The following TSGA10 variants were observed in gnomAD, a reference collection of about 807,000 sequenced individuals.
TSGA10 encodes testis specific 10, also known as testis-specific gene 10 protein.
Under a neutral mutation model 96.6 loss-of-function variants are expected in TSGA10, and 43 were observed. The observed-to-expected ratio is 0.44, with a 90% CI of 0.35 to 0.57. The LOEUF (loss-of-function observed/expected upper bound fraction) is 0.57. TSGA10 is among the 20% of genes least tolerant of loss of function. The pLI, the probability that TSGA10 is intolerant of heterozygous loss-of-function variation, is 0.01. For synonymous variants in TSGA10, 229 were observed against 269.9 expected (o/e 0.85, Z 1.48); for missense variants, 703 against 834.4 (o/e 0.84, Z 1.94).
rs1309893305 is a variant in TSGA10 at position 98,997,498 on chromosome 2, T to G, written c.*699A>C. ...ATCGCAATTAAGTTGATTGCAGTAC[T>G]TGAAAGAAAACTTATTAAAAATAAA... is the stretch of plus-strand genomic sequence containing the variant. On this transcript the variant is annotated 3_prime_UTR_variant, in exon 21 of 21. Coordinates refer to ENST00000393483, the MANE Select transcript of TSGA10 (RefSeq NM_025244.4). 2.0e-5 allele frequency: 3 copies of G among 152,106 alleles called. No individual in the cohort carries two copies. The highest frequency in any genetic ancestry group is 4.4e-5 in the Non-Finnish European group (3 of 67,974). 9.4% of individuals were successfully genotyped at this position (152,106 alleles called of 1,614,324 possible).
intron 15 of TSGA10, among the ~76,000 whole-genome samples, chr2:99,066,547 C>T (rs918330832): frequency 6.6e-6 from 1 of 152,080 alleles, no homozygotes; most frequent in African/African-American, 2.4e-5. Context: ...AAGCAGGAAC[C>T]ATTTTTATAT....
At chr2:99,007,301 T>G (rs2078583750) in intron 20 of TSGA10, among the ~76,000 whole-genome samples, 1 of 151,760 alleles carries the variant, frequency 6.6e-6, no homozygotes, top group African/African-American at 2.4e-5. Context: ...GAATAAATAA[T>G]AAAAAAGAGT....
chr2:99,097,893 T>C (rs891208649), intron 10 of TSGA10, among the ~76,000 whole-genome samples: 2 of 151,916 alleles, frequency 1.3e-5, no homozygotes, highest in African/African-American at 2.4e-5. Context: ...TGAAAGAAAA[T>C]TGGTATAGCT....
intron 16 of TSGA10, among the ~76,000 whole-genome samples, chr2:99,036,608 A>G (rs887093168): frequency 1.3e-5 from 2 of 152,174 alleles, no homozygotes; most frequent in Non-Finnish European, 2.9e-5. Flanking sequence ...TGAAGACTAA[A>G]CAAACAAATG....
intron 16 of TSGA10, among the ~76,000 whole-genome samples, chr2:99,050,883 TATC>T (rs199872586): frequency 0.011 from 1,633 of 152,256 alleles, 9 homozygotes; most frequent in Middle Eastern, 0.027. Flanking sequence ...AAGATTATAA[TATC>T]ATATTTTTAC....
chr2:99,084,938 C>T (rs1017989346), intron 10 of TSGA10, among the ~76,000 whole-genome samples: 2 of 151,458 alleles, frequency 1.3e-5, no homozygotes, highest in Non-Finnish European at 2.9e-5. Flanking sequence ...CAAAATCAAG[C>T]AGAAGCTGGT....
chr2:98,998,307 CTT>C (rs2077609241), intron 20 of TSGA10, 86 bp from the exon 21 acceptor site: 1 of 1,091,260 alleles, frequency 9.2e-7, no homozygotes, highest in Non-Finnish European at 1.3e-6. Context: ...AAGTGTATCA[CTT>C]CAGCAAAACG....
intron 17 of TSGA10, among the ~76,000 whole-genome samples, chr2:99,031,286 CAAAAAAAAAAAAAAAAAAA>C (rs70940132): frequency 4.3e-5 from 2 of 46,382 alleles, no homozygotes; most frequent in Admixed American, 3.7e-4. Context: ...ACTCATAGGC[CAAAAAAAAAAAAAAAAAAA>C]AAAAAAAGAA....
intron 20 of TSGA10, among the ~76,000 whole-genome samples, chr2:99,014,906 C>T (rs1474261342): frequency 6.6e-6 from 1 of 152,098 alleles, no homozygotes; most frequent in Non-Finnish European, 1.5e-5. Context: ...TGGATAAATT[C>T]CTGGAGATAT....
intron 1 of TSGA10, chr2:99,141,731 G>A (rs1307180446): frequency 6.5e-6 from 1 of 152,960 alleles, no homozygotes; most frequent in African/African-American, 2.4e-5. Flanking sequence ...CCTTCCCTCA[G>A]CTTGAAACAC....
intron 14 of TSGA10, 85 bp from the exon 15 acceptor site, chr2:99,069,083 C>G: frequency 1.7e-6 from 1 of 576,198 alleles, no homozygotes. Context: ...TTTTTAAACA[C>G]TTGGAACAAA....
chr2:99,024,647 C>A (rs1481985834), intron 17 of TSGA10, among the ~76,000 whole-genome samples: 2 of 151,936 alleles, frequency 1.3e-5, no homozygotes, highest in Non-Finnish European at 2.9e-5. Flanking sequence ...ATTTCTTTTT[C>A]TTGCCTAACT....
chr2:99,149,981 T>TG (rs2093676008), intron 1 of TSGA10, among the ~76,000 whole-genome samples: 1 of 151,844 alleles, frequency 6.6e-6, no homozygotes, highest in Middle Eastern at 3.2e-3. Context: ...TTAGCAGAGA[T>TG]GGGGTTTCAC....
At chr2:99,056,065 C>T (rs1030183890) in intron 16 of TSGA10, among the ~76,000 whole-genome samples, 4 of 151,586 alleles carry the variant, frequency 2.6e-5, no homozygotes, top group Non-Finnish European at 2.9e-5. Flanking sequence ...ATTAGCCAGG[C>T]GTGGTGGTGG....
At chr2:99,008,708 C>T (rs1295376338) in intron 20 of TSGA10, among the ~76,000 whole-genome samples, 2 of 152,144 alleles carry the variant, frequency 1.3e-5, no homozygotes, top group Non-Finnish European at 2.9e-5. Flanking sequence ...CATGAGAATA[C>T]ATATGTACAA....
chr2:99,103,267 G>A (rs943054211), intron 10 of TSGA10, among the ~76,000 whole-genome samples: 50 of 151,922 alleles, frequency 3.3e-4, no homozygotes, highest in African/African-American at 1.0e-3. Flanking sequence ...AGATCAACCC[G>A]TCACCTAGAT....
chr2:99,086,477 T>G (rs565437845), intron 10 of TSGA10, among the ~76,000 whole-genome samples: 1 of 152,322 alleles, frequency 6.6e-6, no homozygotes, highest in Admixed American at 6.5e-5. Flanking sequence ...ATTAACAGAC[T>G]GATAAAGAAA....
chr2:99,147,239 G>A, intron 1 of TSGA10: 2 of 468,194 alleles, frequency 4.3e-6, no homozygotes, highest in Non-Finnish European at 7.6e-6. Context: ...GGACTCAAGA[G>A]ATCTTTCCAC....
At chr2:99,056,560 T>C (rs1285339505) in intron 16 of TSGA10, among the ~76,000 whole-genome samples, 1 of 152,146 alleles carries the variant, frequency 6.6e-6, no homozygotes, top group Non-Finnish European at 1.5e-5. Flanking sequence ...GATTAGCAAT[T>C]TTAATACTGC....
Sources: gnomAD v4.1 joint callset for allele counts (sites outside exome capture counted in the v4.1 genomes callset) on GRCh38, gnomAD v4.1.1 for gene constraint, MANE v1.5 for transcripts, NCBI Gene and HGNC (gene_info 2026-07-23, HGNC 2026-07-21) for gene names.